PRMT8: variants seen among roughly 807,000 people sequenced by gnomAD.
PRMT8 encodes the protein protein arginine methyltransferase 8.
PRMT8 carries 7 observed loss-of-function variants against 47.1 expected under a neutral mutation model. The observed-to-expected ratio is 0.15, with a 90% CI of 0.08 to 0.28. The LOEUF is 0.28. Among genes scored for constraint, PRMT8 ranks in the 10% least tolerant of loss-of-function variants. PRMT8 has a pLI of 1.00. For missense variants in PRMT8, 237 were observed against 505.4 expected (o/e 0.47, Z 5.09); for synonymous variants, 188 against 186.5 (o/e 1.01, Z -0.07).
Position 3,524,683 on chromosome 12 carries a change from A to G in PRMT8, c.76-15923A>G, listed in dbSNP as rs139899694. Reference sequence around the variant, plus strand: ...AAAAAGCACCTGAAGCCCCTACCCAACAATCAATAGGCGACATTTGGGAAA... The same window carrying G: ...AAAAAGCACCTGAAGCCCCTACCCAGCAATCAATAGGCGACATTTGGGAAA... On this transcript the variant is annotated intron_variant, in intron 1 of 9. Coordinates refer to ENST00000382622, the MANE Select transcript of PRMT8 (RefSeq NM_019854.5). 4.8e-4 allele frequency among the ~76,000 whole-genome samples: 73 copies of G among 151,566 alleles called. 1 individual carries two copies. Among genetic ancestry groups the G allele is most frequent in the African/African-American group, 1.6e-3 (65 of 41,300 alleles).
At chr12:3,420,775 C>T (rs985026516) in intron 1 of PRMT8, among the ~76,000 whole-genome samples, 14 of 152,224 alleles carry the variant, frequency 9.2e-5, no homozygotes, top group Admixed American at 9.2e-4. Flanking sequence ...TCCATCTGTG[C>T]TCTTTAGCTG....
At chr12:3,527,994 T>C (rs1865972294) in intron 1 of PRMT8, among the ~76,000 whole-genome samples, 1 of 152,182 alleles carries the variant, frequency 6.6e-6, no homozygotes, top group Admixed American at 6.5e-5. Flanking sequence ...CTTGTGTTGT[T>C]TCTTATGGGA....
chr12:3,403,858 C>T (rs1591539854), intron 1 of PRMT8, among the ~76,000 whole-genome samples: 1 of 99,196 alleles, frequency 1.0e-5, no homozygotes, highest in East Asian at 3.2e-4. Context: ...GCCTGGGCAA[C>T]AGAGCAAGAC....
At position 3,540,621 on chromosome 12, in the gene PRMT8, TCCCAGCCCC is replaced by T. The variant is rs1404058024; in HGVS notation, c.100_108del (p.Pro34_Pro36del). On this transcript the variant is annotated inframe_deletion, in exon 2 of 10. Coordinates refer to ENST00000382622, the MANE Select transcript of PRMT8 (RefSeq NM_019854.5). ...TTCCCCTCAGGTGAACAGCCCCCCC[TCCCAGCCCC>T]CCCAGCCCGTCGTCCCTGCTAAGCC... 3 of 408,610 alleles carry T rather than the reference TCCCAGCCCC, an allele frequency of 7.3e-6. No homozygotes were observed. In the African/African-American group the frequency reaches 1.1e-4, roughly 15 times the overall value. 25.3% of individuals were successfully genotyped at this position (408,610 alleles called of 1,614,324 possible).
chr12:3,506,129 C>T (rs1413982654), intron 1 of PRMT8, among the ~76,000 whole-genome samples: 1 of 152,308 alleles, frequency 6.6e-6, no homozygotes, highest in African/African-American at 2.4e-5. Flanking sequence ...AAGCTCAGCT[C>T]TGCTGCTTCC....
At chr12:3,463,384 TA>T (rs1376647364) in intron 1 of PRMT8, 3 of 152,208 alleles carry the variant, frequency 2.0e-5, no homozygotes, top group Non-Finnish European at 4.4e-5. Context: ...TTAGCTAGGT[TA>T]AATATCAAGA....
intron 6 of PRMT8, among the ~76,000 whole-genome samples, chr12:3,573,143 C>T (rs1866880116): frequency 6.6e-6 from 1 of 151,980 alleles, no homozygotes; most frequent in African/African-American, 2.4e-5. Flanking sequence ...TTGATATTGT[C>T]CTATGGAGCT....
chr12:3,488,367 T>C (rs1046826455), upstream of PRMT8, among the ~76,000 whole-genome samples: 3 of 152,184 alleles, frequency 2.0e-5, no homozygotes, highest in Non-Finnish European at 4.4e-5. Context: ...GTTGAAGATC[T>C]AGTATAAGAA....
At chr12:3,469,505 A>T (rs1425815981) in intron 1 of PRMT8, among the ~76,000 whole-genome samples, 3 of 152,148 alleles carry the variant, frequency 2.0e-5, no homozygotes, top group Non-Finnish European at 4.4e-5. Flanking sequence ...TTTCCATGAA[A>T]ATGTGCAGAA....
intron 1 of PRMT8, among the ~76,000 whole-genome samples, chr12:3,434,829 G>A (rs1864719747): frequency 6.6e-6 from 1 of 151,666 alleles, no homozygotes; most frequent in South Asian, 2.1e-4. Flanking sequence ...GAAAAGGCAA[G>A]ATTGATCGAA....
chr12:3,544,438 C>A (rs1397011381), intron 2 of PRMT8, among the ~76,000 whole-genome samples: 1 of 152,180 alleles, frequency 6.6e-6, no homozygotes, highest in Non-Finnish European at 1.5e-5. Context: ...CAAACATACT[C>A]TCTGTTAGGT....
intron 4 of PRMT8, among the ~76,000 whole-genome samples, chr12:3,565,750 A>C (rs1866709374): frequency 6.6e-6 from 1 of 152,234 alleles, no homozygotes; most frequent in African/African-American, 2.4e-5. Flanking sequence ...AGGTTACAGC[A>C]ACTAATTGAT....
chr12:3,491,178 A>G (rs1000870747), upstream of PRMT8: 3 of 990,004 alleles, frequency 3.0e-6, no homozygotes, highest in Non-Finnish European at 3.6e-6. Flanking sequence ...CTCAGCCCCT[A>G]GGAGAGACGC....
chr12:3,553,417 C>T lies in PRMT8; in HGVS notation c.418-234C>T, dbSNP rs915031129. 9.6e-5 allele frequency: 57 copies of T among 593,818 alleles called. 1 individual carries two copies. Among genetic ancestry groups the T allele is most frequent in the African/African-American group, 8.9e-4 (48 of 53,790 alleles). The allele number at this position is 593,818 out of a possible 1,614,324, so 36.8% of individuals were successfully genotyped here. A position where few individuals can be genotyped will look rare whatever the true frequency, so the allele number is the denominator to read the frequency against. On this transcript the variant is annotated intron_variant, in intron 3 of 9. Transcript: ENST00000382622. ...AGCACAGAGATCAATCCCTCCATCA[C>T]GGGTGGTGACTAGACATCAGTCTTT... is the stretch of plus-strand genomic sequence containing the variant.
chr12:3,451,483 T>C (rs1332975410), intron 1 of PRMT8, among the ~76,000 whole-genome samples: 1 of 152,212 alleles, frequency 6.6e-6, no homozygotes, highest in Non-Finnish European at 1.5e-5. Context: ...GCTTGAACAA[T>C]GTTTTATGAT....
chr12:3,425,126 A>G (rs897827619), intron 1 of PRMT8, among the ~76,000 whole-genome samples: 5 of 152,242 alleles, frequency 3.3e-5, no homozygotes, highest in African/African-American at 7.2e-5. Flanking sequence ...TGATACCGGG[A>G]GCAAGGTGGC....
In PRMT8 at chr12:3,557,136, G is replaced by A. The variant is rs1866541458; in HGVS notation, c.481+3422G>A. Among the ~76,000 whole-genome samples, 1 of 152,164 alleles carries A rather than the reference G, an allele frequency of 6.6e-6. No individual in the cohort carries two copies. The highest frequency in any genetic ancestry group is 6.5e-5 in the Admixed American group (1 of 15,278). On this transcript the variant is annotated intron_variant, in intron 4 of 9. Transcript: ENST00000382622. The surrounding 1 kb of genome is among the most constrained non-coding windows in gnomAD (Gnocchi z 4.7). ...GAGGGAGGGCAGCAGATAGGCTGGG[G>A]GAGTGAGGATTGCTGCGATGTGTCT...
At chr12:3,442,339 A>G (rs116942958) in intron 1 of PRMT8, among the ~76,000 whole-genome samples, 1 of 149,602 alleles carries the variant, frequency 6.7e-6, no homozygotes, top group African/African-American at 2.5e-5. Flanking sequence ...GAGAAAGAAT[A>G]AAAAAAAAAC....
At chr12:3,381,458 T>C (rs1565394604) in intron 1 of PRMT8, 4 of 1,535,818 alleles carry the variant, frequency 2.6e-6, no homozygotes, top group Middle Eastern at 1.7e-4. Flanking sequence ...TCAGCTTGTA[T>C]GGTAATTTCT....
Sources: gnomAD v4.1 joint callset for allele counts (sites outside exome capture counted in the v4.1 genomes callset) on GRCh38, gnomAD v4.1.1 for gene constraint, Gnocchi (gnomAD v3.1) non-coding constraint, MANE v1.5 for transcripts, NCBI Gene and HGNC (gene_info 2026-07-23, HGNC 2026-07-21) for gene names.